The following PPP1CC variants were observed in gnomAD, a reference collection of about 807,000 sequenced individuals.
The protein encoded by PPP1CC is protein phosphatase 1 catalytic subunit gamma.
A neutral mutation model predicts 38.4 loss-of-function variants in PPP1CC; 16 were observed. The observed-to-expected ratio is 0.42, with a 90% confidence interval of 0.28 to 0.63. The LOEUF (loss-of-function observed/expected upper bound fraction) is 0.63, where lower values mean the gene tolerates loss of function less well. Among genes scored for constraint, PPP1CC ranks in the 30% least tolerant of loss-of-function variants. PPP1CC has a pLI of 0.25. For missense variants in PPP1CC, 170 were observed against 391.3 expected (o/e 0.43, Z 4.77); for synonymous variants, 158 against 136.0 (o/e 1.16, Z -1.13).
chr12:110,720,977 A>T lies in PPP1CC; in HGVS notation c.*99T>A. On this transcript the variant is annotated 3_prime_UTR_variant, in exon 7 of 7. Coordinates refer to ENST00000335007, the MANE Select transcript of PPP1CC (RefSeq NM_002710.4). ...GAAGGAAGGGCCCCCACAAACACAG[A>T]TCTATCTGAGCAAGCTGACCAGTAC... 9.7e-7 allele frequency: 1 copy of T among 1,028,334 alleles called. No individual in the cohort carries two copies. The highest frequency in any genetic ancestry group is 1.4e-6 in the Non-Finnish European group (1 of 694,196). 63.7% of individuals were successfully genotyped at this position (1,028,334 alleles called of 1,614,324 possible).
At chr12:110,724,892 A>G in intron 3 of PPP1CC, 128 bp from the exon 4 acceptor site, 1 of 515,094 alleles carries the variant, frequency 1.9e-6, no homozygotes, top group Non-Finnish European at 3.5e-6. Flanking sequence ...CTATGTTTTT[A>G]TTAAGAATCT....
downstream of PPP1CC, among the ~76,000 whole-genome samples, chr12:110,719,491 G>T (rs1380253989): frequency 6.6e-6 from 1 of 152,154 alleles, no homozygotes; most frequent in African/African-American, 2.4e-5. Flanking sequence ...AATATGACAT[G>T]ATACTGTGTT....
chr12:110,738,604 A>G (rs1357517497), intron 1 of PPP1CC, among the ~76,000 whole-genome samples: 1 of 152,126 alleles, frequency 6.6e-6, no homozygotes, highest in Non-Finnish European at 1.5e-5. Context: ...CACCTCACTA[A>G]TTTCTACAGC....
chr12:110,736,289 G>A (rs1219234006), intron 1 of PPP1CC, among the ~76,000 whole-genome samples: 4 of 152,118 alleles, frequency 2.6e-5, no homozygotes, highest in Non-Finnish European at 4.4e-5. Flanking sequence ...TCACTGACAC[G>A]AGCAATAATA....
intron 3 of PPP1CC, 76 bp downstream of exon 3, chr12:110,730,453 C>A: frequency 8.8e-7 from 1 of 1,138,658 alleles, no homozygotes; most frequent in Admixed American, 2.3e-5. Context: ...CAATTCCTAA[C>A]AGAAGTATGT....
At chr12:110,741,350 C>CA (rs2070015166) in intron 1 of PPP1CC, among the ~76,000 whole-genome samples, 1 of 152,238 alleles carries the variant, frequency 6.6e-6, no homozygotes, top group Non-Finnish European at 1.5e-5. Flanking sequence ...CTCCACCACT[C>CA]ACAGCATTTA....
chr12:110,721,013 CTTAAAAATGAAGGT>C lies in PPP1CC; in HGVS notation c.*49_*62del, dbSNP rs1489124850. 1.4e-6 allele frequency: 2 copies of C among 1,459,690 alleles called. No homozygotes were observed. Among genetic ancestry groups the C allele is most frequent in the African/African-American group, 2.8e-5 (2 of 71,716 alleles). The allele number at this position is 1,459,690 out of a possible 1,614,324, so 90.4% of individuals were successfully genotyped here. On this transcript the variant is annotated 3_prime_UTR_variant, in exon 7 of 7. Coordinates refer to ENST00000335007, the MANE Select transcript of PPP1CC (RefSeq NM_002710.4). ...CAAGCTGACCAGTACACATTACAGT[CTTAAAAATGAAGGT>C]TATATACTCTATGTTACAAGTCCCG...
chr12:110,722,487 T>C lies in PPP1CC; in HGVS notation c.732A>G (p.Ile244Met), dbSNP rs1258867042. 1.1e-5 allele frequency: 18 copies of C among 1,614,152 alleles called. No individual in the cohort carries two copies. Among genetic ancestry groups the C allele is most frequent in the Non-Finnish European group, 1.5e-5 (18 of 1,179,996 alleles). The change falls in exon 5 of 7, where the codon ATA (isoleucine) becomes ATG (methionine). Residue 244 changes from isoleucine (I) to methionine (M), a missense_variant. By Grantham distance (10) the Ile-to-Met change is conservative. Transcript: ENST00000335007. The surrounding 1 kb of genome is among the most constrained non-coding windows in gnomAD (Gnocchi z 5.4). ...AAATCAATACCTGATGGGCTCTACA[T>C]ATAAGATCCAAATCATGCTTATGGA... ...KFLHKHDLDL[I>M]CRAHQVVEDG...
At position 110,722,184 on chromosome 12, in the gene PPP1CC, T is replaced by C. The variant is rs1365753467; in HGVS notation, c.833A>G (p.Asn278Ser). ...ATCCACACTCATCATGGCACCTGCA[T>C]TGTCAAACTCTCCGCAATAATTGGG... The part of the protein sequence containing the change: ...SAPNYCGEFD[N>S]AGAMMSVDET... Residue 278 changes from asparagine to serine, a missense_variant, in exon 6 of 7, where the codon AAT becomes AGT. By Grantham distance (46) the Asn-to-Ser change is conservative (BLOSUM62 1). This residue lies in a region of PPP1CC where 117 missense variants were observed against 344.4 expected (regional missense o/e 0.34). Transcript: ENST00000335007. The surrounding 1 kb of genome is among the most constrained non-coding windows in gnomAD (Gnocchi z 5.4). 6 of 1,614,070 alleles carry C rather than the reference T, an allele frequency of 3.7e-6. No homozygotes were observed. The highest frequency in any genetic ancestry group is 5.1e-6 in the Non-Finnish European group (6 of 1,180,020).
In PPP1CC at chr12:110,722,458, T is replaced by C. The variant is rs374969556; in HGVS notation, c.747+14A>G. On this transcript the variant is annotated intron_variant, in intron 5 of 6. Transcript: ENST00000335007. This position sits in a 1 kb window ranked among gnomAD's most constrained non-coding sequence, Gnocchi z 5.4. ...CATGCTCTTAAGTGTACATGTAAAA[T>C]TCAAAATCAATACCTGATGGGCTCT... 2.6e-5 allele frequency: 42 copies of C among 1,611,630 alleles called. No individual in the cohort carries two copies. Among genetic ancestry groups the C allele is most frequent in the Middle Eastern group, 1.6e-4 (1 of 6,084 alleles).
intron 2 of PPP1CC, among the ~76,000 whole-genome samples, chr12:110,731,203 A>T (rs1418535474): frequency 1.2e-5 from 1 of 82,926 alleles, no homozygotes; most frequent in African/African-American, 4.8e-5. Flanking sequence ...CACCACCCCC[A>T]CCCCCCACCC....
the PPP1CC span, among the ~76,000 whole-genome samples, chr12:110,713,602 A>G: frequency 6.6e-6 from 1 of 152,126 alleles, no homozygotes; most frequent in African/African-American, 2.4e-5. Flanking sequence ...TATTTTTCCT[A>G]GAGCGTGGTT....
intron 3 of PPP1CC, among the ~76,000 whole-genome samples, chr12:110,728,190 G>C (rs1280084477): frequency 6.6e-6 from 1 of 151,678 alleles, no homozygotes; most frequent in African/African-American, 2.4e-5. Flanking sequence ...ATGAGGTCAG[G>C]AGATCGAGAC....
In PPP1CC at chr12:110,720,750, T is replaced by C. The variant is rs946712825; in HGVS notation, c.*326A>G. ...AAATGAGCATTTACATGATTATGGG[T>C]TGTACTGAATTAAAAAAGATCAATT... On this transcript the variant is annotated 3_prime_UTR_variant, in exon 7 of 7. Transcript: ENST00000335007. 45 of 226,994 alleles carry C rather than the reference T, an allele frequency of 2.0e-4. No homozygotes were observed. Among genetic ancestry groups the C allele is most frequent in the African/African-American group, 9.4e-4 (41 of 43,512 alleles). The allele number at this position is 226,994 out of a possible 1,614,324, so 14.1% of individuals were successfully genotyped here.
chr12:110,741,571 A>G (rs1223102094), intron 1 of PPP1CC, among the ~76,000 whole-genome samples: 8 of 152,174 alleles, frequency 5.3e-5, no homozygotes, highest in Non-Finnish European at 1.2e-4. Context: ...TCCCACATCA[A>G]CATGAATCAA....
downstream of PPP1CC, among the ~76,000 whole-genome samples, chr12:110,715,793 G>T (rs1377491199): frequency 6.6e-6 from 1 of 151,958 alleles, no homozygotes; most frequent in African/African-American, 2.4e-5. Flanking sequence ...GGCTAATTTT[G>T]TATTTTTATT....
the PPP1CC span, among the ~76,000 whole-genome samples, chr12:110,713,873 G>A: frequency 5.9e-5 from 9 of 152,244 alleles, no homozygotes; most frequent in Admixed American, 4.6e-4. Flanking sequence ...CAATGCAGGC[G>A]CATCACCTGA....
chr12:110,724,611 C>T (rs1440934149), intron 4 of PPP1CC, 49 bp downstream of exon 4: 2 of 1,058,576 alleles, frequency 1.9e-6, no homozygotes, highest in East Asian at 2.4e-5. Context: ...AAGTGTTCAC[C>T]CTTTGGAAGG....
chr12:110,739,449 G>A (rs2069987221), intron 1 of PPP1CC, among the ~76,000 whole-genome samples: 1 of 151,500 alleles, frequency 6.6e-6, no homozygotes, highest in Admixed American at 6.6e-5. Context: ...GACCAGGGAT[G>A]GCTAAACACC....
Sources: allele counts gnomAD v4.1 joint callset (sites outside exome capture counted in the v4.1 genomes callset), GRCh38; gene constraint gnomAD v4.1.1; regional missense constraint gnomAD v4.1.1; non-coding constraint Gnocchi (gnomAD v3.1); transcripts MANE v1.5; gene names NCBI Gene and HGNC (gene_info 2026-07-23, HGNC 2026-07-21).